L2HGDH: variants seen among roughly 807,000 people sequenced by gnomAD.
L2HGDH encodes the protein L-2-hydroxyglutarate dehydrogenase.
In L2HGDH, 34 loss-of-function variants were observed where a neutral mutation model predicts 51.5. The ratio of observed to expected loss-of-function variants is 0.66; its 90% CI spans 0.50 to 0.88. The LOEUF is 0.88. Ranked by LOEUF, L2HGDH falls within the 40% of genes least tolerant of loss-of-function variation. The pLI is 0.00. For missense variants in L2HGDH, 558 were observed against 571.9 expected (o/e 0.98, Z 0.25); for synonymous variants, 198 against 197.9 (o/e 1.00, Z -0.01).
intron 1 of L2HGDH, among the ~76,000 whole-genome samples, chr14:50,308,730 C>A (rs1442129199): frequency 6.6e-6 from 1 of 152,190 alleles, no homozygotes; most frequent in African/African-American, 2.4e-5. Flanking sequence ...CATGGACTTA[C>A]TACATGACTC....
intron 9 of L2HGDH, among the ~76,000 whole-genome samples, chr14:50,248,176 A>G (rs1211500110): frequency 6.6e-6 from 1 of 152,176 alleles, no homozygotes; most frequent in Admixed American, 6.5e-5. Flanking sequence ...TAAACAGTTA[A>G]AATTTACAGA....
At chr14:50,299,649 G>A (rs2030286973) in intron 3 of L2HGDH, among the ~76,000 whole-genome samples, 1 of 152,140 alleles carries the variant, frequency 6.6e-6, no homozygotes, top group African/African-American at 2.4e-5. Context: ...TTAACCCAGG[G>A]ATGCAAAGGA....
At position 50,306,709 on chromosome 14, in the gene L2HGDH, T is replaced by C. The variant is rs17122365; in HGVS notation, c.141-3692A>G. On this transcript the variant is annotated intron_variant, in intron 1 of 9. Coordinates refer to ENST00000267436, the MANE Select transcript of L2HGDH (RefSeq NM_024884.3). Reference sequence around the variant, plus strand: ...AGCGGGAGTAGAGTCGGATACCAGTTAACAGTGATTGTGATTTGTTGTGGG... The same window carrying C: ...AGCGGGAGTAGAGTCGGATACCAGTCAACAGTGATTGTGATTTGTTGTGGG... 9.9e-3 allele frequency among the ~76,000 whole-genome samples: 1,510 copies of C among 152,022 alleles called. 33 individuals carry two copies. The highest frequency in any genetic ancestry group is 0.034 in the African/African-American group (1,429 of 41,472).
chr14:50,271,640 A>C (rs1488129695), intron 6 of L2HGDH, among the ~76,000 whole-genome samples: 1 of 152,134 alleles, frequency 6.6e-6, no homozygotes, highest in East Asian at 1.9e-4. Flanking sequence ...CAGGAGTTCA[A>C]GACCAGCCTG....
chr14:50,251,820 T>A (rs1414236150), intron 9 of L2HGDH, among the ~76,000 whole-genome samples: 1 of 151,856 alleles, frequency 6.6e-6, no homozygotes, highest in East Asian at 1.9e-4. Flanking sequence ...CCAGACAAAG[T>A]TGAGGGATTT....
chr14:50,272,389 T>C (rs1889746519), intron 6 of L2HGDH, among the ~76,000 whole-genome samples: 1 of 152,140 alleles, frequency 6.6e-6, no homozygotes, highest in Admixed American at 6.6e-5. Flanking sequence ...CAATTCTTCT[T>C]TGAATGGAAA....
At chr14:50,294,798 T>C (rs936152522) in intron 3 of L2HGDH, among the ~76,000 whole-genome samples, 3 of 152,228 alleles carry the variant, frequency 2.0e-5, no homozygotes, top group African/African-American at 7.2e-5. Flanking sequence ...CATCAACTTA[T>C]TTATTTCTTT....
intron 5 of L2HGDH, among the ~76,000 whole-genome samples, chr14:50,279,631 G>C (rs921606498): frequency 2.0e-5 from 3 of 151,526 alleles, no homozygotes; most frequent in Admixed American, 6.6e-5. Flanking sequence ...TTTGAGCTTA[G>C]GGGTTCAAGA....
intron 1 of L2HGDH, among the ~76,000 whole-genome samples, chr14:50,309,580 A>C (rs114696998): frequency 0.013 from 1,901 of 151,358 alleles, 42 homozygotes; most frequent in African/African-American, 0.044. Flanking sequence ...AAAAAAATTT[A>C]GATTCACAGT....
intron 1 of L2HGDH, chr14:50,311,480 C>G: frequency 2.2e-6 from 1 of 456,216 alleles, no homozygotes; most frequent in Non-Finnish European, 4.4e-6. Context: ...GACGTCCAAA[C>G]TATAAATCAC....
At chr14:50,302,798 CAAACTAAG>C (rs1250017917) in intron 2 of L2HGDH, 96 bp downstream of exon 2, 1 of 859,342 alleles carries the variant, frequency 1.2e-6, no homozygotes, top group African/African-American at 1.7e-5. Flanking sequence ...TTTTAGAACA[CAAACTAAG>C]AAACTAACAC....
chr14:50,285,983 G>C (rs1890543404), intron 4 of L2HGDH, among the ~76,000 whole-genome samples: 1 of 152,124 alleles, frequency 6.6e-6, no homozygotes, highest in Non-Finnish European at 1.5e-5. Context: ...TCTGGCCTGG[G>C]ACTAGCTGCA....
At chr14:50,276,514 T>C (rs1486985785) in intron 6 of L2HGDH, among the ~76,000 whole-genome samples, 2 of 149,320 alleles carry the variant, frequency 1.3e-5, no homozygotes, top group Admixed American at 6.7e-5. Context: ...ATGTGAACTG[T>C]ATATGGAAAC....
chr14:50,279,815 C>T (rs1374788125), intron 5 of L2HGDH, among the ~76,000 whole-genome samples: 3 of 152,094 alleles, frequency 2.0e-5, no homozygotes, highest in Non-Finnish European at 4.4e-5. Context: ...AACCCCAGAA[C>T]TTTGGGAGGC....
chr14:50,310,910 A>G (rs1407516104), intron 1 of L2HGDH, among the ~76,000 whole-genome samples: 3 of 142,952 alleles, frequency 2.1e-5, no homozygotes, highest in Non-Finnish European at 4.6e-5. Flanking sequence ...TTTAATTATT[A>G]GCCTCTTCTT....
Position 50,244,825 on chromosome 14 carries a change from T to C in L2HGDH, c.*2233A>G, listed in dbSNP as rs1359263750. On this transcript the variant is annotated 3_prime_UTR_variant, in exon 10 of 10. Transcript: ENST00000267436. ...GCACATCCTTCTCACCCATCCATCA[T>C]ACAGCTTTGGAGAGCTAAGAGGAAA... is the stretch of plus-strand genomic sequence containing the variant. 1 of 985,440 alleles carries C rather than the reference T, an allele frequency of 1.0e-6. No individual in the cohort carries two copies. The highest frequency in any genetic ancestry group is 4.7e-5 in the South Asian group (1 of 21,284). 61.0% of individuals were successfully genotyped at this position (985,440 alleles called of 1,614,324 possible).
intron 6 of L2HGDH, among the ~76,000 whole-genome samples, chr14:50,277,525 CA>C (rs1375989130): frequency 6.6e-6 from 1 of 151,894 alleles, no homozygotes; most frequent in Non-Finnish European, 1.5e-5. Flanking sequence ...CCTGTAATCC[CA>C]GCACTTTGGG....
chr14:50,290,538 C>T (rs952812549), intron 4 of L2HGDH, among the ~76,000 whole-genome samples: 4 of 152,294 alleles, frequency 2.6e-5, no homozygotes, highest in South Asian at 2.1e-4. Flanking sequence ...TTTTGACTAT[C>T]TAGGCTTATG....
intron 9 of L2HGDH, among the ~76,000 whole-genome samples, chr14:50,254,508 C>G (rs1888546228): frequency 6.6e-6 from 1 of 151,974 alleles, no homozygotes; most frequent in East Asian, 1.9e-4. Flanking sequence ...TAGCATTTCT[C>G]CCCTCAACAT....
Sources: allele counts gnomAD v4.1 joint callset (sites outside exome capture counted in the v4.1 genomes callset), GRCh38; gene constraint gnomAD v4.1.1; transcripts MANE v1.5; gene names NCBI Gene and HGNC (gene_info 2026-07-23, HGNC 2026-07-21).